Variants in CDH13 observed in about 807,000 individuals in gnomAD.
CDH13 encodes the protein cadherin-13.
Under a neutral mutation model 63.8 loss-of-function variants are expected in CDH13, and 24 were observed. The observed-to-expected ratio is 0.38, with a 90% confidence interval of 0.27 to 0.53. The LOEUF is 0.53. Ranked by LOEUF, CDH13 falls within the 20% of genes least tolerant of loss-of-function variation. The probability of loss-of-function intolerance (pLI) is 0.85; values close to 1 mark genes in which losing one functional copy is unlikely to be tolerated. For missense variants in CDH13, 1,049 were observed against 903.1 expected (o/e 1.16, Z -2.07); for synonymous variants, 503 against 355.3 (o/e 1.42, Z -4.67).
intron 3 of CDH13, among the ~76,000 whole-genome samples, chr16:83,086,061 G>C (rs1420990453): frequency 6.6e-6 from 1 of 152,144 alleles, no homozygotes; most frequent in Non-Finnish European, 1.5e-5. Flanking sequence ...AACAAACAAG[G>C]CACCAGGGCC....
intron 2 of CDH13, among the ~76,000 whole-genome samples, chr16:83,031,667 T>G (rs1916365571): frequency 1.3e-5 from 2 of 152,106 alleles, no homozygotes; most frequent in South Asian, 4.1e-4. Flanking sequence ...ACCCTGTGGT[T>G]CTGCTCAGTC....
chr16:83,149,597 AT>A (rs1469583218), intron 4 of CDH13, among the ~76,000 whole-genome samples: 1 of 152,198 alleles, frequency 6.6e-6, no homozygotes, highest in East Asian at 1.9e-4. Context: ...TTATTATAAT[AT>A]TTTTGTGTAT....
At chr16:82,965,362 A>G (rs1054301488) in intron 2 of CDH13, among the ~76,000 whole-genome samples, 2 of 152,168 alleles carry the variant, frequency 1.3e-5, no homozygotes, top group African/African-American at 4.8e-5. Flanking sequence ...CAAAATTTTT[A>G]GTTTGGTTTT....
intron 5 of CDH13, among the ~76,000 whole-genome samples, 190 bp from the exon 6 acceptor site, chr16:83,344,672 A>T (rs955800898): frequency 6.6e-6 from 1 of 152,172 alleles, no homozygotes; most frequent in African/African-American, 2.4e-5. Flanking sequence ...AAGTGAACTG[A>T]TCTTTGCCTT....
intron 1 of CDH13, among the ~76,000 whole-genome samples, chr16:82,643,841 C>T (rs1909728284): frequency 1.3e-5 from 2 of 151,824 alleles, no homozygotes. Flanking sequence ...CACCTGAGCT[C>T]AAGCAACCCT....
At chr16:83,776,003 G>T (rs189925171) in intron 11 of CDH13, among the ~76,000 whole-genome samples, 1 of 152,174 alleles carries the variant, frequency 6.6e-6, no homozygotes, top group Non-Finnish European at 1.5e-5. Context: ...TTTTGGATGT[G>T]ATTTTTCTCT....
At chr16:83,744,222 C>T (rs1912351425) in intron 10 of CDH13, among the ~76,000 whole-genome samples, 1 of 152,142 alleles carries the variant, frequency 6.6e-6, no homozygotes, top group Admixed American at 6.5e-5. Flanking sequence ...GCCGTCAGGG[C>T]CCGTGTTAGG....
intron 3 of CDH13, among the ~76,000 whole-genome samples, chr16:83,065,621 G>A (rs141773413): frequency 3.3e-5 from 5 of 151,120 alleles, no homozygotes; most frequent in African/African-American, 1.2e-4. Context: ...AAGAGAATCA[G>A]TTAAGCCCAG....
At chr16:82,736,200 C>T (rs2033665431) in intron 1 of CDH13, among the ~76,000 whole-genome samples, 1 of 152,198 alleles carries the variant, frequency 6.6e-6, no homozygotes, top group African/African-American at 2.4e-5. Flanking sequence ...TCTCTTTAAA[C>T]TGCTTTGATG....
chr16:83,328,017 C>T (rs2090402736), intron 5 of CDH13, among the ~76,000 whole-genome samples: 1 of 151,770 alleles, frequency 6.6e-6, no homozygotes, highest in Non-Finnish European at 1.5e-5. Context: ...CCTGTAGTCC[C>T]AGCTACTCAG....
intron 7 of CDH13, among the ~76,000 whole-genome samples, chr16:83,571,583 C>T (rs569290190): frequency 3.2e-4 from 49 of 152,166 alleles, no homozygotes; most frequent in African/African-American, 1.2e-3. Context: ...TTTTACCATA[C>T]CAGATAATCA....
intron 6 of CDH13, among the ~76,000 whole-genome samples, chr16:83,361,557 T>C (rs1424281440): frequency 6.6e-6 from 1 of 152,200 alleles, no homozygotes; most frequent in Non-Finnish European, 1.5e-5. Flanking sequence ...ATTCTTACAG[T>C]TTGAGGTTTT....
chr16:83,033,115 A>G (rs994440433), intron 3 of CDH13, among the ~76,000 whole-genome samples: 2 of 152,212 alleles, frequency 1.3e-5, no homozygotes, highest in African/African-American at 4.8e-5. Flanking sequence ...TACATATGGT[A>G]TATGTGCATG....
Position 82,942,056 on chromosome 16 carries a change from A to G in CDH13, c.157+83583A>G, listed in dbSNP as rs151149245. Among the ~76,000 whole-genome samples, 45 of 152,236 alleles carry G rather than the reference A, an allele frequency of 3.0e-4. No individual in the cohort carries two copies. In the East Asian group the frequency reaches 7.7e-3, roughly 26 times the overall value. On this transcript the variant is annotated intron_variant, in intron 2 of 13. Coordinates refer to ENST00000567109, the MANE Select transcript of CDH13 (RefSeq NM_001257.5). Reference sequence around the variant, plus strand: ...ATGTTCTGTATTTTAATGAAGGCTAATTATTTATTTTTCCTATCAGGCTTA... The same window carrying G: ...ATGTTCTGTATTTTAATGAAGGCTAGTTATTTATTTTTCCTATCAGGCTTA...
intron 1 of CDH13, among the ~76,000 whole-genome samples, chr16:82,783,083 G>A (rs2035841222): frequency 6.6e-6 from 1 of 152,214 alleles, no homozygotes; most frequent in Non-Finnish European, 1.5e-5. Flanking sequence ...GACAACAGGT[G>A]TGGCTCAATG....
At chr16:82,670,356 C>A (rs372969059) in intron 1 of CDH13, among the ~76,000 whole-genome samples, 4 of 152,206 alleles carry the variant, frequency 2.6e-5, no homozygotes, top group African/African-American at 9.6e-5. Flanking sequence ...CTTTCCTCTT[C>A]CTTCTCTCCA....
At chr16:83,480,970 G>T (rs539704764) in intron 6 of CDH13, among the ~76,000 whole-genome samples, 1 of 152,298 alleles carries the variant, frequency 6.6e-6, no homozygotes, top group South Asian at 2.1e-4. Flanking sequence ...TGCACTACAG[G>T]ATCCATGACC....
In CDH13 at chr16:83,361,803, G is replaced by A. The variant is rs191202499; in HGVS notation, c.781+16797G>A. On this transcript the variant is annotated intron_variant, in intron 6 of 13. Transcript: ENST00000567109. ...TAGTCTATGTGTCTATTTATGTACC[G>A]TACCATGCTGTTTTAGTTACCGTAT... Among the ~76,000 whole-genome samples, 161 of 152,156 alleles carry A rather than the reference G, an allele frequency of 1.1e-3. 4 individuals carry two copies. In the South Asian group the frequency reaches 0.023, roughly 22 times the overall value.
chr16:83,121,756 C>G (rs1207364489), intron 3 of CDH13, among the ~76,000 whole-genome samples: 1 of 152,134 alleles, frequency 6.6e-6, no homozygotes, highest in African/African-American at 2.4e-5. Flanking sequence ...TGGATGGGTT[C>G]CTAGCAGTAA....
Sources: allele counts gnomAD v4.1 joint callset (sites outside exome capture counted in the v4.1 genomes callset), GRCh38; gene constraint gnomAD v4.1.1; transcripts MANE v1.5; gene names NCBI Gene and HGNC (gene_info 2026-07-23, HGNC 2026-07-21).